The following KCNN1 variants were observed in gnomAD, a reference collection of about 807,000 sequenced individuals.
KCNN1 encodes small conductance calcium-activated potassium channel protein 1.
Under a neutral mutation model 44.7 loss-of-function variants are expected in KCNN1, and 20 were observed. That is an observed-to-expected ratio of 0.45 (90% confidence interval 0.32 to 0.65). The LOEUF is 0.65. Among genes scored for constraint, KCNN1 ranks in the 30% least tolerant of loss-of-function variants. The pLI, the probability that KCNN1 is intolerant of heterozygous loss-of-function variation, is 0.05. For missense variants in KCNN1, 632 were observed against 785.3 expected (o/e 0.80, Z 2.33); for synonymous variants, 324 against 341.7 (o/e 0.95, Z 0.57).
rs530968146 is a variant in KCNN1, at chr19:17,997,691, G to A, written c.1378-461G>A. On this transcript the variant is annotated intron_variant, in intron 9 of 9. Transcript: ENST00000684775. ...GACAAAGTTTCACCATGTTGGCCAG[G>A]CTGGTCTCAAACTCCTGACCTCAGG... is the stretch of plus-strand genomic sequence containing the variant. Among the ~76,000 whole-genome samples, 588 of 152,192 alleles carry A rather than the reference G, an allele frequency of 3.9e-3. 7 individuals are homozygous for A. Among genetic ancestry groups the A allele is most frequent in the African/African-American group, 0.014 (562 of 41,528 alleles).
At position 17,974,430 on chromosome 19, in the gene KCNN1, C is replaced by G; in HGVS notation, c.402+140C>G. ...CTCCCGGAGGTGAGGGCTCCCTGGC[C>G]TTCTGCATACCCACCTCCAGGAAGG... On this transcript the variant is annotated intron_variant, in intron 2 of 9. Coordinates refer to ENST00000684775, the MANE Select transcript of KCNN1 (RefSeq NM_001386974.1). This position sits in a 1 kb window ranked among gnomAD's most constrained non-coding sequence, Gnocchi z 7.3. 2 of 896,946 alleles carry G rather than the reference C, an allele frequency of 2.2e-6. No homozygotes were observed. Among genetic ancestry groups the G allele is most frequent in the Non-Finnish European group, 1.6e-6 (1 of 618,628 alleles). 55.6% of individuals were successfully genotyped at this position (896,946 alleles called of 1,614,324 possible). A position where few individuals can be genotyped will look rare whatever the true frequency, so the allele number is the denominator to read the frequency against.
At position 17,994,446 on chromosome 19, in the gene KCNN1, C is replaced by CA. The variant is rs767149586; in HGVS notation, c.1377+902dup. On this transcript the variant is annotated intron_variant, in intron 9 of 9. Coordinates refer to ENST00000684775, the MANE Select transcript of KCNN1 (RefSeq NM_001386974.1). ...TGGGCAACAGAGCGAGACCCTGTCT[C>CA]AAAAAAAAAAAAAAAGCAAGAAAGA... Among the ~76,000 whole-genome samples the CA allele has an allele frequency of 7.4e-3, 655 of 88,974 alleles. 6 individuals are homozygous for CA. The highest frequency in any genetic ancestry group is 0.04 in the East Asian group (122 of 3,074). The allele number at this position is 88,974 out of a possible 152,430, so 58.4% of individuals were successfully genotyped here. A position where few individuals can be genotyped will look rare whatever the true frequency, so the allele number is the denominator to read the frequency against.
chr19:17,991,145 C>T lies in KCNN1; in HGVS notation c.1298+1302C>T, dbSNP rs757561379. Among the ~76,000 whole-genome samples the T allele has an allele frequency of 4.0e-4, 61 of 151,762 alleles. 1 individual carries two copies. Among genetic ancestry groups the T allele is most frequent in the Non-Finnish European group, 4.6e-4 (31 of 67,972 alleles). On this transcript the variant is annotated intron_variant, in intron 7 of 9. Transcript: ENST00000684775. The stretch of plus-strand genomic sequence containing the variant: ...GCCTGGGAAACATAGTGAGACCCCA[C>T]TCTATGTAAAAATTAAAAAATAAAG...
intron 3 of KCNN1, among the ~76,000 whole-genome samples, chr19:17,976,394 C>T (rs1260886235): frequency 6.6e-6 from 1 of 151,972 alleles, no homozygotes; most frequent in Non-Finnish European, 1.5e-5. Context: ...AAATGTAGTG[C>T]ACCTGTACAA....
intron 4 of KCNN1, among the ~76,000 whole-genome samples, chr19:17,985,080 TG>T (rs1405874604): frequency 6.6e-6 from 1 of 152,052 alleles, no homozygotes; most frequent in Non-Finnish European, 1.5e-5. Flanking sequence ...CAACCTCACC[TG>T]GGCCCCTCTC....
chr19:17,971,484 C>T (rs886834761), intron 1 of KCNN1, among the ~76,000 whole-genome samples: 8 of 151,126 alleles, frequency 5.3e-5, no homozygotes, highest in South Asian at 4.2e-4. Flanking sequence ...TTTTTTGAGA[C>T]GGAGTTTTGC....
intron 5 of KCNN1, among the ~76,000 whole-genome samples, chr19:17,986,522 C>T (rs1355793995): frequency 6.6e-6 from 1 of 152,150 alleles, no homozygotes. Flanking sequence ...GCCGTGGGTG[C>T]CTGTGAACAT....
chr19:17,995,186 T>C (rs2032940553), intron 9 of KCNN1, among the ~76,000 whole-genome samples: 1 of 152,030 alleles, frequency 6.6e-6, no homozygotes, highest in Non-Finnish European at 1.5e-5. Flanking sequence ...TTTTTTTTTT[T>C]TTCTGAGACA....
chr19:17,986,766 G>A (rs1444027654), intron 5 of KCNN1, among the ~76,000 whole-genome samples: 1 of 152,142 alleles, frequency 6.6e-6, no homozygotes, highest in African/African-American at 2.4e-5. Flanking sequence ...CAAGGTGCTG[G>A]AGTTACAGGC....
At chr19:17,982,946 A>G (rs1211274864) in intron 4 of KCNN1, among the ~76,000 whole-genome samples, 1 of 152,006 alleles carries the variant, frequency 6.6e-6, no homozygotes. Flanking sequence ...AGCCTGAGGC[A>G]GGAGAATCGC....
chr19:17,998,507 C>T lies in KCNN1; in HGVS notation c.*101C>T, dbSNP rs1278925741. The stretch of plus-strand genomic sequence containing the variant: ...CGCCTCTTGGAGTTCAAGAAGCCAA[C>T]GCTGAGTCAGGCTGAGTGGACTGAG... On this transcript the variant is annotated 3_prime_UTR_variant, in exon 10 of 10. Coordinates refer to ENST00000684775, the MANE Select transcript of KCNN1 (RefSeq NM_001386974.1). This position sits in a 1 kb window ranked among gnomAD's most constrained non-coding sequence, Gnocchi z 5.4. 5.0e-6 allele frequency: 6 copies of T among 1,199,666 alleles called. No homozygotes were observed. The East Asian group carries it at 8.1e-5, about 16-fold the overall frequency. 74.3% of individuals were successfully genotyped at this position (1,199,666 alleles called of 1,614,324 possible).
At position 17,998,467 on chromosome 19, in the gene KCNN1, A is replaced by T. The variant is rs1306780844; in HGVS notation, c.*61A>T. 11 of 1,410,074 alleles carry T rather than the reference A, an allele frequency of 7.8e-6. No homozygotes were observed. Among genetic ancestry groups the T allele is most frequent in the Non-Finnish European group, 1.0e-5 (11 of 1,076,520 alleles). The allele number at this position is 1,410,074 out of a possible 1,614,324, so 87.3% of individuals were successfully genotyped here. On this transcript the variant is annotated 3_prime_UTR_variant, in exon 10 of 10. Transcript: ENST00000684775. The surrounding 1 kb of genome is among the most constrained non-coding windows in gnomAD (Gnocchi z 5.4). Reference sequence around the variant, plus strand: ...CATCGTGTGGCCGCCACCTCCGGGAAGCCTTGTACAGTGGCGCCTCTTGGA... The same window carrying T: ...CATCGTGTGGCCGCCACCTCCGGGATGCCTTGTACAGTGGCGCCTCTTGGA...
chr19:17,989,928 G>A, intron 7 of KCNN1, 85 bp downstream of exon 7: 1 of 1,598,626 alleles, frequency 6.3e-7, no homozygotes, highest in Non-Finnish European at 8.6e-7. Flanking sequence ...CCTCTTCACG[G>A]CTCCCTGCCA....
In KCNN1 at chr19:17,973,936, C is replaced by T. The variant is rs540542401; in HGVS notation, c.48C>T (p.Ser16=). Residue 16 remains serine, a synonymous_variant, in exon 2 of 10, where the codon AGC becomes AGT. Transcript: ENST00000684775. ...GCAGCGTGGGGCGGCCGCTGGGCAG[C>T]GGGCCGGGCGCCCTGGGACGAGACC... ...YNGSVGRPLG[S]GPGALGRDPP... The T allele has an allele frequency of 1.7e-5, 27 of 1,555,598 alleles. No individual in the cohort carries two copies. The East Asian group carries it at 1.9e-4, about 11-fold the overall frequency.
intron 5 of KCNN1, 141 bp from the exon 6 acceptor site, chr19:17,988,274 T>C: frequency 3.1e-6 from 2 of 644,698 alleles, no homozygotes; most frequent in Non-Finnish European, 5.5e-6. Context: ...CGAGTAGACC[T>C]GAAGTCAGTG....
chr19:17,997,717 C>T (rs1883779021), intron 9 of KCNN1, among the ~76,000 whole-genome samples: 4 of 151,998 alleles, frequency 2.6e-5, no homozygotes, highest in Admixed American at 2.6e-4. Context: ...TGACCTCAGG[C>T]GATTCGCCTG....
At chr19:17,962,044 G>T (rs1350668796) in intron 2 of KCNN1, among the ~76,000 whole-genome samples, 2 of 152,162 alleles carry the variant, frequency 1.3e-5, no homozygotes, top group African/African-American at 4.8e-5. Context: ...GGGAGAGAGG[G>T]GTTCCCTGGA....
upstream of KCNN1, among the ~76,000 whole-genome samples, chr19:17,963,345 C>A (rs2031728801): frequency 6.7e-6 from 1 of 149,312 alleles, no homozygotes; most frequent in South Asian, 2.1e-4. Flanking sequence ...TAGAGTCTCA[C>A]TCTGTCGCCC....
At position 17,998,094 on chromosome 19, in the gene KCNN1, C is replaced by T. The variant is rs1287117888; in HGVS notation, c.1378-58C>T. ...CTCTCTGTCATTGGTGTCGTGGTAT[C>T]GTCCTTTCCTCTCTCACTCAGCGGC... On this transcript the variant is annotated intron_variant, in intron 9 of 9. Coordinates refer to ENST00000684775, the MANE Select transcript of KCNN1 (RefSeq NM_001386974.1). The surrounding 1 kb of genome is among the most constrained non-coding windows in gnomAD (Gnocchi z 5.4). 6.0e-6 allele frequency: 9 copies of T among 1,489,004 alleles called. No individual in the cohort carries two copies. Among genetic ancestry groups the T allele is most frequent in the South Asian group, 1.3e-5 (1 of 74,800 alleles). 92.2% of individuals were successfully genotyped at this position (1,489,004 alleles called of 1,614,324 possible).
Sources: gnomAD v4.1 joint callset for allele counts (sites outside exome capture counted in the v4.1 genomes callset) on GRCh38, gnomAD v4.1.1 for gene constraint, Gnocchi (gnomAD v3.1) non-coding constraint, MANE v1.5 for transcripts, NCBI Gene and HGNC (gene_info 2026-07-23, HGNC 2026-07-21) for gene names.